The following ASH1L variants were observed in gnomAD, a reference collection of about 807,000 sequenced individuals.
The protein encoded by ASH1L is histone-lysine N-methyltransferase ASH1L.
In ASH1L, 23 loss-of-function variants were observed where a neutral mutation model predicts 269.0. That is an observed-to-expected ratio of 0.09 (90% CI 0.06 to 0.12). The LOEUF (loss-of-function observed/expected upper bound fraction) is 0.12. ASH1L is among the 10% of genes least tolerant of loss of function. The pLI, the probability that ASH1L is intolerant of heterozygous loss-of-function variation, is 1.00. For synonymous variants in ASH1L, 1,187 were observed against 1,253.5 expected, an observed-to-expected ratio of 0.95 and a Z score of 1.12; for missense variants, 2,912 against 3,567.8, an observed-to-expected ratio of 0.82 and a Z score of 4.68.
chr1:155,483,867 G>A (rs569078518), intron 2 of ASH1L, among the ~76,000 whole-genome samples: 2 of 152,088 alleles, frequency 1.3e-5, no homozygotes, highest in South Asian at 4.2e-4. Context: ...GCTATGGAGT[G>A]ATTTCCAGGA....
chr1:155,497,583 T>C (rs901625866), intron 2 of ASH1L, among the ~76,000 whole-genome samples: 1 of 152,180 alleles, frequency 6.6e-6, no homozygotes, highest in African/African-American at 2.4e-5. Flanking sequence ...TATGTTATCG[T>C]TAAGGCTTCT....
intron 6 of ASH1L, among the ~76,000 whole-genome samples, chr1:155,409,291 C>T (rs1659568316): frequency 6.6e-6 from 1 of 152,096 alleles, no homozygotes; most frequent in South Asian, 2.1e-4. Flanking sequence ...TCTCGGATTA[C>T]AGGGATGAGC....
intron 8 of ASH1L, 95 bp downstream of exon 8, chr1:155,379,948 T>G (rs760493609): frequency 7.7e-6 from 7 of 911,786 alleles, no homozygotes; most frequent in African/African-American, 1.7e-5. Flanking sequence ...CCTCCTAAGA[T>G]GAAAACATAA....
chr1:155,492,360 G>C (rs1399390967), intron 2 of ASH1L, among the ~76,000 whole-genome samples: 1 of 152,068 alleles, frequency 6.6e-6, no homozygotes, highest in Non-Finnish European at 1.5e-5. Flanking sequence ...CTTATACTTG[G>C]AAAAATCATG....
At chr1:155,496,436 A>G (rs1346416235) in intron 2 of ASH1L, among the ~76,000 whole-genome samples, 1 of 152,270 alleles carries the variant, frequency 6.6e-6, no homozygotes, top group East Asian at 1.9e-4. Flanking sequence ...AGCCATAAAA[A>G]GAAAAAAGAC....
chr1:155,537,313 T>C (rs1304208943), intron 1 of ASH1L, among the ~76,000 whole-genome samples: 1 of 152,200 alleles, frequency 6.6e-6, no homozygotes, highest in Non-Finnish European at 1.5e-5. Context: ...AGTATTTGGG[T>C]ATCCTGGGAG....
chr1:155,415,881 G>A lies in ASH1L; in HGVS notation c.5871C>T (p.Thr1957=). 6.2e-7 allele frequency: 1 copy of A among 1,608,598 alleles called. No individual in the cohort carries two copies. Among genetic ancestry groups the A allele is most frequent in the African/African-American group, 1.3e-5 (1 of 74,584 alleles). Residue 1957 remains threonine (T), a synonymous_variant, in exon 6 of 28, where the codon ACC becomes ACT. Coordinates refer to ENST00000392403, the MANE Select transcript of ASH1L (RefSeq NM_018489.3). ...APVEIPSPSE[T]PAKPSEPEST... ...TTTCAGGTTCAGAAGGTTTAGCTGG[G>A]GTTTCAGAAGGACTGGGAATCTCAA... is the stretch of plus-strand genomic sequence containing the variant.
intron 6 of ASH1L, among the ~76,000 whole-genome samples, chr1:155,415,284 A>C (rs1247043142): frequency 6.7e-6 from 1 of 148,884 alleles, no homozygotes; most frequent in Non-Finnish European, 1.5e-5. Context: ...CGGGAGGCTG[A>C]GGTAGGAGAA....
At chr1:155,435,037 A>C (rs900324352) in intron 5 of ASH1L, among the ~76,000 whole-genome samples, 1 of 151,744 alleles carries the variant, frequency 6.6e-6, no homozygotes, top group African/African-American at 2.4e-5. Context: ...GCATGCTTGT[A>C]ATCCCAGCTA....
At chr1:155,380,457 C>A (rs1391105709) in intron 7 of ASH1L, among the ~76,000 whole-genome samples, 3 of 152,090 alleles carry the variant, frequency 2.0e-5, no homozygotes, top group Non-Finnish European at 4.4e-5. Context: ...TTCATTATTA[C>A]ACATAACCTA....
At chr1:155,472,233 T>G in intron 3 of ASH1L, among the ~76,000 whole-genome samples, 1 of 152,180 alleles carries the variant, frequency 6.6e-6, no homozygotes. Context: ...GGTTTTGCAG[T>G]GAGCCTAGAT....
chr1:155,401,852 G>A (rs1013422746), intron 6 of ASH1L, among the ~76,000 whole-genome samples: 4 of 151,664 alleles, frequency 2.6e-5, no homozygotes, highest in Non-Finnish European at 5.9e-5. Context: ...ACTTTGGGAG[G>A]CCAAGGCAGG....
At chr1:155,339,456 G>T in intron 25 of ASH1L, 88 bp from the exon 26 acceptor site, 1 of 1,144,936 alleles carries the variant, frequency 8.7e-7, no homozygotes, top group Non-Finnish European at 1.3e-6. Flanking sequence ...AAGGAACACA[G>T]TAGGGCAGTA....
At chr1:155,408,834 G>A (rs1427457736) in intron 6 of ASH1L, among the ~76,000 whole-genome samples, 1 of 151,842 alleles carries the variant, frequency 6.6e-6, no homozygotes, top group Non-Finnish European at 1.5e-5. Flanking sequence ...GGGCAACATA[G>A]GGAGACCCTG....
At chr1:155,424,268 T>C (rs941421983) in intron 5 of ASH1L, among the ~76,000 whole-genome samples, 11 of 152,198 alleles carry the variant, frequency 7.2e-5, no homozygotes, top group African/African-American at 2.7e-4. Context: ...ATACGTAATT[T>C]ACTGGAGAGA....
At chr1:155,373,362 G>A (rs1262785835) in intron 10 of ASH1L, among the ~76,000 whole-genome samples, 1 of 151,688 alleles carries the variant, frequency 6.6e-6, no homozygotes, top group Non-Finnish European at 1.5e-5. Context: ...ATAATGGCTC[G>A]CTGCAGCTCT....
At chr1:155,544,682 A>G (rs1262302886) in intron 1 of ASH1L, among the ~76,000 whole-genome samples, 1 of 152,184 alleles carries the variant, frequency 6.6e-6, no homozygotes, top group Non-Finnish European at 1.5e-5. Context: ...CTGTAGACTA[A>G]GACATTGTAA....
chr1:155,472,875 T>C (rs1167897445), intron 3 of ASH1L, among the ~76,000 whole-genome samples: 1 of 152,214 alleles, frequency 6.6e-6, no homozygotes, highest in Non-Finnish European at 1.5e-5. Flanking sequence ...GACAGTTTTT[T>C]AAGCACTACT....
intron 6 of ASH1L, among the ~76,000 whole-genome samples, chr1:155,409,325 A>AT: frequency 6.6e-6 from 1 of 152,268 alleles, no homozygotes; most frequent in Non-Finnish European, 1.5e-5. Flanking sequence ...AAAAATTGTC[A>AT]TTTTTCAACC....
Sources: allele counts gnomAD v4.1 joint callset (sites outside exome capture counted in the v4.1 genomes callset), GRCh38; gene constraint gnomAD v4.1.1; transcripts MANE v1.5; gene names NCBI Gene and HGNC (gene_info 2026-07-23, HGNC 2026-07-21).